Variants in LARGE1 observed in about 807,000 individuals in gnomAD.
The protein encoded by LARGE1 is LARGE xylosyl- and glucuronyltransferase 1, also known as xylosyl- and glucuronyltransferase LARGE1.
LARGE1 carries 43 observed loss-of-function variants against 87.6 expected under a neutral mutation model. That is an observed-to-expected ratio of 0.49 (90% CI 0.38 to 0.63). The LOEUF is 0.63. LARGE1 is among the 30% of genes least tolerant of loss of function. LARGE1 has a pLI of 0.00. For synonymous variants in LARGE1, 434 were observed against 394.6 expected (o/e 1.10, Z -1.18); for missense variants, 802 against 1,000.2 (o/e 0.80, Z 2.67).
At chr22:33,518,805 G>GCAC (rs945882670) in intron 6 of LARGE1, among the ~76,000 whole-genome samples, 13 of 152,134 alleles carry the variant, frequency 8.5e-5, no homozygotes, top group Non-Finnish European at 1.9e-4. Context: ...GCAGAGAAAG[G>GCAC]GGTGTGGTAC....
At chr22:33,242,540 C>T (rs773776316) in intron 11 of LARGE1, among the ~76,000 whole-genome samples, 6 of 152,140 alleles carry the variant, frequency 3.9e-5, no homozygotes, top group Non-Finnish European at 5.9e-5. Context: ...AGCACTCCTG[C>T]TGGGAACTAA....
chr22:33,756,316 G>A (rs758981902), intron 2 of LARGE1, among the ~76,000 whole-genome samples: 2 of 152,168 alleles, frequency 1.3e-5, no homozygotes, highest in African/African-American at 2.4e-5. Flanking sequence ...GTGGAAGGGC[G>A]AGCTAAAGAG....
the LARGE1 span, among the ~76,000 whole-genome samples, chr22:33,094,750 T>C: frequency 6.6e-6 from 1 of 152,186 alleles, no homozygotes; most frequent in South Asian, 2.1e-4. Context: ...CAGAGTTTCA[T>C]TCTTGTCGCC....
chr22:33,655,458 C>T (rs1442034125), intron 2 of LARGE1, among the ~76,000 whole-genome samples: 1 of 152,164 alleles, frequency 6.6e-6, no homozygotes, highest in African/African-American at 2.4e-5. Flanking sequence ...TCCTGGTTCT[C>T]AGGCTTTCGG....
chr22:33,791,622 C>T (rs1380513465), intron 1 of LARGE1, among the ~76,000 whole-genome samples: 1 of 152,166 alleles, frequency 6.6e-6, no homozygotes, highest in Non-Finnish European at 1.5e-5. Context: ...AATGCCTTAT[C>T]ATTAGGTTAT....
At chr22:33,502,821 C>T (rs952370934) in intron 6 of LARGE1, among the ~76,000 whole-genome samples, 1 of 152,312 alleles carries the variant, frequency 6.6e-6, no homozygotes, top group Non-Finnish European at 1.5e-5. Context: ...CCCACCTCAG[C>T]CTCCCAAGCC....
intron 1 of LARGE1, among the ~76,000 whole-genome samples, chr22:33,918,937 CT>C (rs2065864402): frequency 7.7e-6 from 1 of 130,162 alleles, no homozygotes; most frequent in East Asian, 2.6e-4. Flanking sequence ...CTCTCTCTCT[CT>C]GGGCACTTAC....
chr22:33,788,932 G>C (rs922780808), intron 1 of LARGE1, among the ~76,000 whole-genome samples: 2 of 152,196 alleles, frequency 1.3e-5, no homozygotes, highest in African/African-American at 4.8e-5. Flanking sequence ...TCTGCAGCCT[G>C]ATAATGCAAT....
intron 1 of LARGE1, among the ~76,000 whole-genome samples, chr22:33,862,466 G>C (rs2267307): frequency 0.21 from 31,666 of 152,186 alleles, 4,087 homozygotes; most frequent in East Asian, 0.34. Flanking sequence ...TCCTGGCCTT[G>C]ATCAACACTA....
At chr22:33,600,391 T>C (rs544882382) in intron 5 of LARGE1, among the ~76,000 whole-genome samples, 1 of 152,140 alleles carries the variant, frequency 6.6e-6, no homozygotes, top group Non-Finnish European at 1.5e-5. Flanking sequence ...GCTTACGGTA[T>C]AGGAGATAGA....
At chr22:33,660,713 A>C (rs760600578) in intron 2 of LARGE1, among the ~76,000 whole-genome samples, 1 of 152,276 alleles carries the variant, frequency 6.6e-6, no homozygotes, top group Non-Finnish European at 1.5e-5. Context: ...CTAAACAACC[A>C]TAACGATTTT....
intron 7 of LARGE1, among the ~76,000 whole-genome samples, chr22:33,396,644 A>G (rs1423142002): frequency 1.3e-5 from 2 of 152,168 alleles, no homozygotes; most frequent in Non-Finnish European, 2.9e-5. Flanking sequence ...TATTTTAGCA[A>G]CACAGAGACA....
chr22:33,572,433 C>T (rs1377665618), intron 5 of LARGE1, among the ~76,000 whole-genome samples: 2 of 152,156 alleles, frequency 1.3e-5, no homozygotes, highest in African/African-American at 2.4e-5. Flanking sequence ...AATCCTGACT[C>T]TACCACAACC....
Position 33,850,057 on chromosome 22 carries a change from G to C in LARGE1, c.-83+69938C>G, listed in dbSNP as rs950818389. Among the ~76,000 whole-genome samples, 18 of 152,118 alleles carry C rather than the reference G, an allele frequency of 1.2e-4. 2 individuals carry two copies. The highest frequency in any genetic ancestry group is 1.1e-3 in the Admixed American group (17 of 15,274). On this transcript the variant is annotated intron_variant, in intron 1 of 14. Transcript: ENST00000397394. ...GCAATGATCTGGTTCTGTAGCTTGAGGGCCTTTTCCACAGAAAAGTAAAAG... is the reference window on the plus strand; with the variant it reads ...GCAATGATCTGGTTCTGTAGCTTGACGGCCTTTTCCACAGAAAAGTAAAAG...
chr22:33,483,631 C>G (rs770370385), intron 6 of LARGE1, among the ~76,000 whole-genome samples: 1 of 151,974 alleles, frequency 6.6e-6, no homozygotes. Flanking sequence ...TAGGAGGGGT[C>G]GGGCTGCATT....
intron 1 of LARGE1, among the ~76,000 whole-genome samples, chr22:33,852,364 C>T (rs2063612758): frequency 6.6e-6 from 1 of 151,882 alleles, no homozygotes; most frequent in African/African-American, 2.4e-5. Context: ...ACTTTTATTT[C>T]AGAATTTGTT....
chr22:33,168,053 G>A (rs1922367830), intron 11 of LARGE1, among the ~76,000 whole-genome samples: 1 of 152,114 alleles, frequency 6.6e-6, no homozygotes, highest in Non-Finnish European at 1.5e-5. Context: ...CCTTTTAGTG[G>A]GTGAACTTTC....
At chr22:33,840,033 A>G (rs554980282) in intron 1 of LARGE1, among the ~76,000 whole-genome samples, 7 of 152,370 alleles carry the variant, frequency 4.6e-5, no homozygotes, top group African/African-American at 1.7e-4. Flanking sequence ...AGATCATTAG[A>G]GAAAATGCCT....
chr22:33,549,224 A>G lies in LARGE1; in HGVS notation c.787+15624T>C, dbSNP rs552536823. On this transcript the variant is annotated intron_variant, in intron 6 of 14. Coordinates refer to ENST00000397394, the MANE Select transcript of LARGE1 (RefSeq NM_133642.5). The stretch of plus-strand genomic sequence containing the variant: ...CAGTGCATGGTGCAGAGAAGAGACC[A>G]GCATATTTGTCTTCATTGACAGGCC... Among the ~76,000 whole-genome samples, 6 of 152,336 alleles carry G rather than the reference A, an allele frequency of 3.9e-5. No homozygotes were observed. In the South Asian group the frequency reaches 1.0e-3, roughly 26 times the overall value.
Sources: allele counts gnomAD v4.1 joint callset (sites outside exome capture counted in the v4.1 genomes callset), GRCh38; gene constraint gnomAD v4.1.1; transcripts MANE v1.5; gene names NCBI Gene and HGNC (gene_info 2026-07-23, HGNC 2026-07-21).